The following HMGB1 variants were observed in gnomAD, a reference collection of about 807,000 sequenced individuals.
The protein encoded by HMGB1 is high mobility group box 1.
For synonymous variants in HMGB1, 81 were observed against 84.0 expected, an observed-to-expected ratio of 0.96 and a Z score of 0.19; for missense variants, 79 against 253.5, an observed-to-expected ratio of 0.31 and a Z score of 4.67.
chr13:30,516,711 A>G (rs1368781213), intron 1 of HMGB1, among the ~76,000 whole-genome samples: 1 of 152,146 alleles, frequency 6.6e-6, no homozygotes, highest in Non-Finnish European at 1.5e-5. Flanking sequence ...TGAGTCTATG[A>G]GTTTGAGACC....
At chr13:30,588,843 G>T (rs1593330005) in intron 1 of HMGB1, among the ~76,000 whole-genome samples, 1 of 151,934 alleles carries the variant, frequency 6.6e-6, no homozygotes, top group East Asian at 2.0e-4. Context: ...CTTGAATCTG[G>T]GAGGCGGAGG....
intron 1 of HMGB1, among the ~76,000 whole-genome samples, chr13:30,562,739 G>C (rs143960200): frequency 4.3e-4 from 65 of 152,300 alleles, no homozygotes; most frequent in African/African-American, 1.5e-3. Context: ...ATCTGAAGCT[G>C]ATAGAATTGG....
At chr13:30,600,735 T>C (rs976833132) in intron 1 of HMGB1, among the ~76,000 whole-genome samples, 1 of 152,118 alleles carries the variant, frequency 6.6e-6, no homozygotes, top group Non-Finnish European at 1.5e-5. Context: ...ACTGGCTAAA[T>C]ATAATGCAAA....
intron 4 of HMGB1, chr13:30,461,747 G>A (rs915285707): frequency 4.6e-5 from 58 of 1,272,200 alleles, no homozygotes; most frequent in Non-Finnish European, 6.1e-5. Flanking sequence ...CTCATGAAAT[G>A]GCATAGTCTA....
intron 1 of HMGB1, among the ~76,000 whole-genome samples, chr13:30,473,435 A>G (rs1034866334): frequency 6.6e-6 from 1 of 152,244 alleles, no homozygotes; most frequent in Non-Finnish European, 1.5e-5. Flanking sequence ...AAAAGTTCTT[A>G]CAGAAAGGTG....
intron 1 of HMGB1, among the ~76,000 whole-genome samples, chr13:30,610,074 C>G (rs1950499550): frequency 6.6e-6 from 1 of 152,188 alleles, no homozygotes; most frequent in Non-Finnish European, 1.5e-5. Flanking sequence ...AATATACTTA[C>G]TTTTCCTTAT....
intron 1 of HMGB1, among the ~76,000 whole-genome samples, chr13:30,538,481 TCTTTCTTTCTTTCTTTCTTTCTTTCTTTC>T (rs200410344): frequency 1.2e-4 from 4 of 32,740 alleles, no homozygotes; most frequent in South Asian, 1.7e-3. Flanking sequence ...TTTCTTTCTT[TCTTTCTTTCTTTCTTTCTTTCTTTCTTTC>T]CTTTCTTTCT....
chr13:30,534,127 G>A (rs532499801), intron 1 of HMGB1, among the ~76,000 whole-genome samples: 1 of 152,210 alleles, frequency 6.6e-6, no homozygotes, highest in African/African-American at 2.4e-5. Context: ...CAAAGTGCTG[G>A]GATTATATGC....
intron 1 of HMGB1, among the ~76,000 whole-genome samples, chr13:30,584,083 G>A (rs1481542197): frequency 6.6e-6 from 1 of 151,514 alleles, no homozygotes; most frequent in Non-Finnish European, 1.5e-5. Context: ...GAGAGAGGAA[G>A]AAAGGAAGGA....
intron 1 of HMGB1, among the ~76,000 whole-genome samples, chr13:30,522,029 GAAAC>G (rs1417213198): frequency 6.6e-6 from 1 of 151,270 alleles, no homozygotes; most frequent in Non-Finnish European, 1.5e-5. Flanking sequence ...CACAGTCAAT[GAAAC>G]AAACATTAAG....
At chr13:30,514,769 C>T (rs540872831) in intron 1 of HMGB1, among the ~76,000 whole-genome samples, 31 of 152,174 alleles carry the variant, frequency 2.0e-4, no homozygotes, top group Non-Finnish European at 4.0e-4. Flanking sequence ...TCCCAAGTAG[C>T]TGGGAGTACA....
chr13:30,496,708 T>C (rs960035236), intron 1 of HMGB1, among the ~76,000 whole-genome samples: 1 of 152,176 alleles, frequency 6.6e-6, no homozygotes, highest in East Asian at 1.9e-4. Flanking sequence ...CTTTAATGGG[T>C]GAGGAAGAGG....
At chr13:30,571,511 G>A (rs1870432018) in intron 1 of HMGB1, among the ~76,000 whole-genome samples, 1 of 152,110 alleles carries the variant, frequency 6.6e-6, no homozygotes, top group Non-Finnish European at 1.5e-5. Flanking sequence ...GGCCAGGCTG[G>A]TCTTGAACTC....
chr13:30,604,499 C>T (rs1318009575), intron 1 of HMGB1, among the ~76,000 whole-genome samples: 2 of 152,174 alleles, frequency 1.3e-5, no homozygotes, highest in African/African-American at 4.8e-5. Context: ...TGCTACTAAA[C>T]ATCCTACAAT....
intron 1 of HMGB1, among the ~76,000 whole-genome samples, chr13:30,589,115 C>T (rs989032287): frequency 6.0e-5 from 9 of 151,140 alleles, no homozygotes; most frequent in Admixed American, 1.3e-4. Flanking sequence ...AAGCGATTCT[C>T]CAGCCTCAGC....
At chr13:30,583,887 C>G (rs932033677) in intron 1 of HMGB1, among the ~76,000 whole-genome samples, 1 of 149,894 alleles carries the variant, frequency 6.7e-6, no homozygotes, top group East Asian at 1.9e-4. Context: ...TTAGTCCTGT[C>G]TTAACTACTT....
intron 1 of HMGB1, among the ~76,000 whole-genome samples, chr13:30,526,525 G>A (rs1888371088): frequency 1.8e-5 from 2 of 111,886 alleles, no homozygotes; most frequent in Admixed American, 1.8e-4. Context: ...CTCTGAGTCT[G>A]AGATTCTTCA....
At chr13:30,461,811 CTA>C (rs1886359032) in intron 4 of HMGB1, 1 of 580,758 alleles carries the variant, frequency 1.7e-6, no homozygotes, top group East Asian at 4.3e-5. Flanking sequence ...CATCCTAACT[CTA>C]TTAAAACCAG....
At chr13:30,592,227 T>C (rs1871401770) in intron 1 of HMGB1, among the ~76,000 whole-genome samples, 1 of 152,268 alleles carries the variant, frequency 6.6e-6, no homozygotes, top group East Asian at 1.9e-4. Context: ...TGAATTTCTG[T>C]TATCTAGGTG....
Sources: allele counts gnomAD v4.1 joint callset (sites outside exome capture counted in the v4.1 genomes callset), GRCh38; gene constraint gnomAD v4.1.1; transcripts MANE v1.5; gene names NCBI Gene and HGNC (gene_info 2026-07-23, HGNC 2026-07-21).